The following IGF2BP1 variants were observed in gnomAD, a reference collection of about 807,000 sequenced individuals.
IGF2BP1 encodes insulin-like growth factor 2 mRNA-binding protein 1.
A neutral mutation model predicts 74.9 loss-of-function variants in IGF2BP1; 11 were observed. That is an observed-to-expected ratio of 0.15 (90% CI 0.09 to 0.24). The LOEUF is 0.24. Ranked by LOEUF, IGF2BP1 falls within the 10% of genes least tolerant of loss-of-function variation. IGF2BP1 has a pLI of 1.00. For missense variants in IGF2BP1, 440 were observed against 757.4 expected (o/e 0.58, Z 4.92); for synonymous variants, 287 against 281.8 (o/e 1.02, Z -0.18).
intron 4 of IGF2BP1, among the ~76,000 whole-genome samples, chr17:49,029,997 G>GA (rs965480021): frequency 6.6e-6 from 1 of 151,998 alleles, no homozygotes; most frequent in Non-Finnish European, 1.5e-5. Flanking sequence ...TTAGAGCCAA[G>GA]AATTTTGATG....
At chr17:49,014,582 C>T (rs2041668699) in intron 2 of IGF2BP1, among the ~76,000 whole-genome samples, 1 of 151,918 alleles carries the variant, frequency 6.6e-6, no homozygotes, top group African/African-American at 2.4e-5. Flanking sequence ...ACGTTGGGGC[C>T]CTTGTCAGGG....
At chr17:49,025,722 G>C in intron 3 of IGF2BP1, 56 bp downstream of exon 3, 1 of 1,516,932 alleles carries the variant, frequency 6.6e-7, no homozygotes, top group Non-Finnish European at 9.1e-7. Context: ...TGGAAAGTAC[G>C]TCTGGACTAG....
At chr17:49,046,688 G>A (rs1361858982) in intron 14 of IGF2BP1, among the ~76,000 whole-genome samples, 3 of 150,316 alleles carry the variant, frequency 2.0e-5, no homozygotes, top group African/African-American at 4.9e-5. Flanking sequence ...TATGTTCTAC[G>A]TTAGTCCCTC....
intron 2 of IGF2BP1, among the ~76,000 whole-genome samples, chr17:49,021,759 G>A (rs1054673383): frequency 1.3e-5 from 2 of 152,162 alleles, no homozygotes; most frequent in African/African-American, 4.8e-5. Context: ...GCTGTTCATC[G>A]GTTTAGGCAA....
chr17:48,998,345 C>T (rs1233982936), intron 1 of IGF2BP1, among the ~76,000 whole-genome samples: 1 of 152,268 alleles, frequency 6.6e-6, no homozygotes, highest in African/African-American at 2.4e-5. Context: ...AGTCTTAGGC[C>T]TTTCCAGGCG....
At position 49,046,277 on chromosome 17, in the gene IGF2BP1, T is replaced by C. The variant is rs1222557281; in HGVS notation, c.1545T>C (p.Asn515=). Residue 515 remains asparagine, a synonymous_variant, in exon 14 of 15, where the codon AAT becomes AAC. Transcript: ENST00000290341. ...ACCCCCAGGTGAACGAGTTGCAGAA[T>C]TTGACGGCAGCTGAGGTGGTAGTAC... ...KGGKTVNELQ[N]LTAAEVVVPR... The C allele has an allele frequency of 2.5e-6, 4 of 1,613,980 alleles. No individual in the cohort carries two copies. The African/African-American group carries it at 4.0e-5, about 16-fold the overall frequency.
At position 49,019,940 on chromosome 17, in the gene IGF2BP1, A is replaced by ATG. The variant is rs1419022596; in HGVS notation, c.237-5677_237-5676insGT. Among the ~76,000 whole-genome samples the ATG allele has an allele frequency of 1.1e-3, 53 of 49,894 alleles. 1 individual carries two copies. Among genetic ancestry groups the ATG allele is most frequent in the African/African-American group, 4.7e-3 (51 of 10,764 alleles). The allele number at this position is 49,894 out of a possible 152,430, so 32.7% of individuals were successfully genotyped here. ...TATATATATATATATATATATATAT[A>ATG]TATATATATTTATATACACACACAC... On this transcript the variant is annotated intron_variant, in intron 2 of 14. Transcript: ENST00000290341.
chr17:49,028,700 G>A (rs2041884759), intron 4 of IGF2BP1, among the ~76,000 whole-genome samples: 1 of 152,220 alleles, frequency 6.6e-6, no homozygotes, highest in Admixed American at 6.5e-5. Context: ...AACAGTATGG[G>A]AAATGTTTGA....
At chr17:49,001,816 T>C (rs2041491320) in intron 2 of IGF2BP1, among the ~76,000 whole-genome samples, 1 of 152,146 alleles carries the variant, frequency 6.6e-6, no homozygotes, top group Admixed American at 6.5e-5. Flanking sequence ...CTTGTATATG[T>C]TTTATTCTGA....
chr17:49,015,024 G>A (rs1224278742), intron 2 of IGF2BP1: 5 of 771,024 alleles, frequency 6.5e-6, no homozygotes, highest in Non-Finnish European at 7.9e-6. Context: ...AACCCCGAGT[G>A]CCTGAGCGTG....
At chr17:48,998,939 T>A (rs1461131048) in intron 1 of IGF2BP1, among the ~76,000 whole-genome samples, 170 bp from the exon 2 acceptor site, 1 of 152,084 alleles carries the variant, frequency 6.6e-6, no homozygotes, top group African/African-American at 2.4e-5. Context: ...GACTCCACCA[T>A]TCCTAGAGCA....
chr17:49,004,070 C>CGT (rs1288448047), intron 2 of IGF2BP1, among the ~76,000 whole-genome samples: 1 of 152,098 alleles, frequency 6.6e-6, no homozygotes, highest in East Asian at 1.9e-4. Flanking sequence ...CCGCCCGCCC[C>CGT]CGCGCCAGTC....
intron 2 of IGF2BP1, among the ~76,000 whole-genome samples, chr17:49,002,699 A>AT (rs60312699): frequency 0.049 from 6,763 of 139,200 alleles, 170 homozygotes; most frequent in South Asian, 0.12. Flanking sequence ...TTAGGTTAGA[A>AT]TTTTTTTTTT....
intron 2 of IGF2BP1, chr17:49,014,919 C>T: frequency 1.0e-6 from 1 of 985,334 alleles, no homozygotes; most frequent in Non-Finnish European, 1.2e-6. Context: ...TCGGCTGTTC[C>T]CTCTGGAGGA....
In IGF2BP1 at chr17:49,053,756, C is replaced by T. The variant is rs2042193976; in HGVS notation, c.*4312C>T. ...GAGGGCCTGCTTGAGCCTTCTTGCT[C>T]CACAGGAGAAGCTGGTGCCTCTAGG... On this transcript the variant is annotated 3_prime_UTR_variant, in exon 15 of 15. Transcript: ENST00000290341. 6.5e-6 allele frequency: 1 copy of T among 152,684 alleles called. No individual in the cohort carries two copies. The highest frequency in any genetic ancestry group is 1.5e-5 in the Non-Finnish European group (1 of 68,074). 9.5% of individuals were successfully genotyped at this position (152,684 alleles called of 1,614,324 possible).
chr17:49,044,461 C>G (rs961224297), intron 11 of IGF2BP1, among the ~76,000 whole-genome samples: 3 of 152,226 alleles, frequency 2.0e-5, no homozygotes, highest in African/African-American at 4.8e-5. Flanking sequence ...CAAAGCCCTT[C>G]GCTCACATAC....
In IGF2BP1 at chr17:49,041,477, C is replaced by G; in HGVS notation, c.918C>G (p.Thr306=). 2 of 1,613,958 alleles carry G rather than the reference C, an allele frequency of 1.2e-6. No individual in the cohort carries two copies. Among genetic ancestry groups the G allele is most frequent in the Non-Finnish European group, 1.7e-6 (2 of 1,179,996 alleles). ...ACCTGAAGAAGGTAGAGCAAGATAC[C>G]GAGACAAAAATCACCATCTCCTCGT... The part of the protein sequence containing the change: ...GRNLKKVEQD[T]ETKITISSLQ... The change falls in exon 8 of 15, where the codon ACC becomes ACG. Residue 306 remains threonine, a synonymous_variant. Transcript: ENST00000290341.
In IGF2BP1 at chr17:49,038,874, A is replaced by ATCTTTTTTTTTT. The variant is rs1491495832; in HGVS notation, c.683+426_683+427insCTTTTTTTTTTT. On this transcript the variant is annotated intron_variant, in intron 6 of 14. Coordinates refer to ENST00000290341, the MANE Select transcript of IGF2BP1 (RefSeq NM_006546.4). ...CTGCCACTGCCACCTTCTTTCTTTA[A>ATCTTTTTTTTTT]TATTTTTTTTTTTTTTTTTTTGAGA... 6.0e-4 allele frequency among the ~76,000 whole-genome samples: 45 copies of ATCTTTTTTTTTT among 75,274 alleles called. 3 individuals are homozygous for ATCTTTTTTTTTT. Among genetic ancestry groups the ATCTTTTTTTTTT allele is most frequent in the African/African-American group, 2.2e-3 (39 of 17,866 alleles). 49.4% of individuals were successfully genotyped at this position (75,274 alleles called of 152,430 possible).
intron 1 of IGF2BP1, among the ~76,000 whole-genome samples, chr17:48,998,814 AC>A: frequency 1.3e-5 from 2 of 152,268 alleles, no homozygotes; most frequent in East Asian, 3.9e-4. Context: ...TAGGCAGCGC[AC>A]CCACACAAAT....
Sources: gnomAD v4.1 joint callset for allele counts (sites outside exome capture counted in the v4.1 genomes callset) on GRCh38, gnomAD v4.1.1 for gene constraint, MANE v1.5 for transcripts, NCBI Gene and HGNC (gene_info 2026-07-23, HGNC 2026-07-21) for gene names.